FGF18: variants seen among roughly 807,000 people sequenced by gnomAD.
The protein encoded by FGF18 is fibroblast growth factor 18.
FGF18 carries 5 observed loss-of-function variants against 23.0 expected under a neutral mutation model. That is an observed-to-expected ratio of 0.22 (90% CI 0.11 to 0.46). The LOEUF is 0.46. Ranked by LOEUF, FGF18 falls within the 20% of genes least tolerant of loss-of-function variation. The pLI, the probability that FGF18 is intolerant of heterozygous loss-of-function variation, is 0.99. For missense variants in FGF18, 180 were observed against 291.6 expected, an observed-to-expected ratio of 0.62 and a Z score of 2.79; for synonymous variants, 117 against 118.9, an observed-to-expected ratio of 0.98 and a Z score of 0.10.
At position 171,433,860 on chromosome 5, in the gene FGF18, G is replaced by A. The variant is rs899824278; in HGVS notation, c.70-2233G>A. 1.9e-4 allele frequency among the ~76,000 whole-genome samples: 29 copies of A among 152,170 alleles called. 1 individual carries two copies. Among genetic ancestry groups the A allele is most frequent in the Non-Finnish European group, 1.2e-4 (8 of 68,032 alleles). ...TCTGGTTTGCAGGGCTTCACCTAGG[G>A]CCCCATAAAGGGTTCCCTTGTGTTC... On this transcript the variant is annotated intron_variant, in intron 2 of 4. Coordinates refer to ENST00000274625, the MANE Select transcript of FGF18 (RefSeq NM_003862.3).
chr5:171,425,535 T>TTC (rs1488380100), intron 2 of FGF18, among the ~76,000 whole-genome samples: 1 of 137,944 alleles, frequency 7.2e-6, no homozygotes, highest in Admixed American at 7.3e-5. Flanking sequence ...TGTGCTTTTT[T>TTC]TTTTTTTTTT....
Position 171,451,574 on chromosome 5 carries a change from C to T in FGF18, c.357+2321C>T, listed in dbSNP as rs1304107818. On this transcript the variant is annotated intron_variant, in intron 4 of 4. Transcript: ENST00000274625. The surrounding 1 kb of genome is among the most constrained non-coding windows in gnomAD (Gnocchi z 4.5). ...GGCTTCTGCATCTCCAGGCCTTTCC[C>T]CGCTGCCCACCTTCGGCTTTCTACA... Among the ~76,000 whole-genome samples the T allele has an allele frequency of 2.6e-5, 4 of 152,214 alleles. No individual in the cohort carries two copies. Among genetic ancestry groups the T allele is most frequent in the African/African-American group, 9.6e-5 (4 of 41,466 alleles).
chr5:171,435,366 G>A (rs964542947), intron 2 of FGF18, among the ~76,000 whole-genome samples: 11 of 152,172 alleles, frequency 7.2e-5, no homozygotes, highest in African/African-American at 1.9e-4. Flanking sequence ...AGGAAGATGA[G>A]CACGATATGT....
At position 171,444,583 on chromosome 5, in the gene FGF18, G is replaced by T. The variant is rs956646246; in HGVS notation, c.251-4564G>T. ...TGGCCCAGAAGGGAAAAGGTCTTTCGCTGTGTCACTGAGGCTGGGGATGGG... is the reference window on the plus strand; with the variant it reads ...TGGCCCAGAAGGGAAAAGGTCTTTCTCTGTGTCACTGAGGCTGGGGATGGG... On this transcript the variant is annotated intron_variant, in intron 3 of 4. Transcript: ENST00000274625. Among the ~76,000 whole-genome samples the T allele has an allele frequency of 2.0e-5, 3 of 149,708 alleles. No homozygotes were observed. In the East Asian group the frequency reaches 6.0e-4, roughly 30 times the overall value.
In FGF18 at chr5:171,435,329, G is replaced by A. The variant is rs562754186; in HGVS notation, c.70-764G>A. Among the ~76,000 whole-genome samples the A allele has an allele frequency of 7.2e-5, 11 of 152,330 alleles. 1 individual carries two copies. The South Asian group carries it at 2.1e-3, about 29-fold the overall frequency. On this transcript the variant is annotated intron_variant, in intron 2 of 4. Coordinates refer to ENST00000274625, the MANE Select transcript of FGF18 (RefSeq NM_003862.3). The stretch of plus-strand genomic sequence containing the variant: ...GAAGCAGAAGGCCAGTGAGGAGGCA[G>A]GTGCAAGTTGTCCCAATGAGAAGGG...
chr5:171,449,569 A>C (rs563099561), intron 4 of FGF18, among the ~76,000 whole-genome samples: 1 of 151,222 alleles, frequency 6.6e-6, no homozygotes, highest in Non-Finnish European at 1.5e-5. Flanking sequence ...CTTGCTTGGT[A>C]GTGGGAGAAT....
chr5:171,420,135 C>G lies in FGF18; in HGVS notation c.-65C>G. ...GGCGGCGGCGGCGGAGGCGCCCGGTCCCGGCCGCGCGGAGCGGACATGTGC... is the reference window on the plus strand; with the variant it reads ...GGCGGCGGCGGCGGAGGCGCCCGGTGCCGGCCGCGCGGAGCGGACATGTGC... On this transcript the variant is annotated 5_prime_UTR_variant, in exon 1 of 5. Coordinates refer to ENST00000274625, the MANE Select transcript of FGF18 (RefSeq NM_003862.3). The G allele has an allele frequency of 1.5e-6, 2 of 1,333,014 alleles. No individual in the cohort carries two copies. Among genetic ancestry groups the G allele is most frequent in the Non-Finnish European group, 1.9e-6 (2 of 1,044,402 alleles). The allele number at this position is 1,333,014 out of a possible 1,614,324, so 82.6% of individuals were successfully genotyped here. A position where few individuals can be genotyped will look rare whatever the true frequency, so the allele number is the denominator to read the frequency against.
rs1462476260 is a variant in FGF18, at chr5:171,456,523, CCT to C, written c.358-10_358-9del. On this transcript the variant is annotated splice_polypyrimidine_tract_variant and intron_variant, in intron 4 of 4. Coordinates refer to ENST00000274625, the MANE Select transcript of FGF18 (RefSeq NM_003862.3). This position sits in a 1 kb window ranked among gnomAD's most constrained non-coding sequence, Gnocchi z 6.1. ...AGTCATTTTTTTCTTGAACACTCCCCCTCTCTCCCCTGCAGCCCGATGGCACC... is the reference window on the plus strand; with the variant it reads ...AGTCATTTTTTTCTTGAACACTCCCCCTCTCCCCTGCAGCCCGATGGCACC... The C allele has an allele frequency of 6.2e-7, 1 of 1,608,292 alleles. No homozygotes were observed. The highest frequency in any genetic ancestry group is 1.1e-5 in the South Asian group (1 of 90,712).
intron 3 of FGF18, among the ~76,000 whole-genome samples, chr5:171,441,219 C>T (rs959684995): frequency 6.6e-6 from 1 of 152,120 alleles, no homozygotes; most frequent in African/African-American, 2.4e-5. Context: ...TAGCAGGGAC[C>T]CCTAGTCTCA....
At chr5:171,445,344 A>G (rs73327280) in intron 3 of FGF18, among the ~76,000 whole-genome samples, 24,176 of 152,008 alleles carry the variant, frequency 0.16, 2,198 homozygotes, top group South Asian at 0.31. Flanking sequence ...GAAGGGACAC[A>G]ACTAAATTTA....
intron 3 of FGF18, among the ~76,000 whole-genome samples, chr5:171,445,907 G>A (rs937620102): frequency 2.0e-5 from 3 of 152,160 alleles, no homozygotes; most frequent in African/African-American, 7.2e-5. Context: ...GCTCTTGAGA[G>A]CAGCATCCTG....
rs1432694663 is a variant in FGF18, at chr5:171,457,509, T to TTA, written c.*712_*713dup. ...AGGGAATATTTTAAAACCAGCTATA[T>TTA]TATATATATTATATATATATAAGCT... On this transcript the variant is annotated 3_prime_UTR_variant, in exon 5 of 5. Transcript: ENST00000274625. The TTA allele has an allele frequency of 1.3e-5, 2 of 151,476 alleles. No individual in the cohort carries two copies. The highest frequency in any genetic ancestry group is 2.9e-5 in the Non-Finnish European group (2 of 67,970). The allele number at this position is 151,476 out of a possible 1,614,324, so 9.4% of individuals were successfully genotyped here.
At chr5:171,421,291 C>G (rs896608955) in intron 2 of FGF18, among the ~76,000 whole-genome samples, 6 of 152,132 alleles carry the variant, frequency 3.9e-5, no homozygotes, top group Non-Finnish European at 8.8e-5. Flanking sequence ...CGACTTCAGC[C>G]CCGATTAGAA....
intron 4 of FGF18, among the ~76,000 whole-genome samples, chr5:171,454,634 A>C (rs1772557282): frequency 6.6e-6 from 1 of 152,186 alleles, no homozygotes; most frequent in Non-Finnish European, 1.5e-5. Context: ...GGAGGGCCCA[A>C]GCTTGCCCTC....
At chr5:171,454,290 G>A (rs1772553411) in intron 4 of FGF18, among the ~76,000 whole-genome samples, 2 of 152,154 alleles carry the variant, frequency 1.3e-5, no homozygotes, top group South Asian at 2.1e-4. Context: ...TAGGATGGGG[G>A]AGCATCATGG....
At chr5:171,448,686 C>G (rs1772451925) in intron 3 of FGF18, among the ~76,000 whole-genome samples, 1 of 152,050 alleles carries the variant, frequency 6.6e-6, no homozygotes, top group Non-Finnish European at 1.5e-5. Flanking sequence ...GGCCGCCTGT[C>G]CTGCTTGGGA....
chr5:171,454,136 C>T (rs1241082148), intron 4 of FGF18, among the ~76,000 whole-genome samples: 4 of 152,110 alleles, frequency 2.6e-5, no homozygotes, highest in Non-Finnish European at 5.9e-5. Context: ...CCCATTAAGG[C>T]TTGACGCTTG....
Position 171,431,108 on chromosome 5 carries a change from G to A in FGF18, c.70-4985G>A, listed in dbSNP as rs1188416341. Among the ~76,000 whole-genome samples, 3 of 152,184 alleles carry A rather than the reference G, an allele frequency of 2.0e-5. No homozygotes were observed. The East Asian group carries it at 5.8e-4, about 29-fold the overall frequency. On this transcript the variant is annotated intron_variant, in intron 2 of 4. Transcript: ENST00000274625. ...AAACATGCTTTTCAGCCATGAGTGG[G>A]CTGGAGAGGCTAAAATCTTCAAGCC... is the stretch of plus-strand genomic sequence containing the variant.
intron 2 of FGF18, among the ~76,000 whole-genome samples, chr5:171,428,142 G>A (rs1440761594): frequency 4.6e-5 from 7 of 152,194 alleles, no homozygotes; most frequent in Admixed American, 4.6e-4. Flanking sequence ...ACCAGCCCAC[G>A]GGTTCCTGGA....
Sources: allele counts gnomAD v4.1 joint callset (sites outside exome capture counted in the v4.1 genomes callset), GRCh38; gene constraint gnomAD v4.1.1; non-coding constraint Gnocchi (gnomAD v3.1); transcripts MANE v1.5; gene names NCBI Gene and HGNC (gene_info 2026-07-23, HGNC 2026-07-21).